The following MROH2B variants were observed in gnomAD, a reference collection of about 807,000 sequenced individuals.
MROH2B encodes the protein maestro heat-like repeat-containing protein family member 2B.
In MROH2B, 177 loss-of-function variants were observed where a neutral mutation model predicts 208.6. The observed-to-expected ratio is 0.85, with a 90% CI of 0.75 to 0.96. The LOEUF (loss-of-function observed/expected upper bound fraction) is 0.96. Ranked by LOEUF, MROH2B falls within the 40% of genes least tolerant of loss-of-function variation. The probability of loss-of-function intolerance (pLI) is 0.00; values close to 1 mark genes in which losing one functional copy is unlikely to be tolerated. For missense variants in MROH2B, 2,002 were observed against 1,878.7 expected, an observed-to-expected ratio of 1.07 and a Z score of -1.21; for synonymous variants, 728 against 659.0, an observed-to-expected ratio of 1.10 and a Z score of -1.60.
chr5:41,051,212 A>G (rs1743274312), intron 12 of MROH2B, 122 bp from the exon 13 acceptor site: 6 of 479,732 alleles, frequency 1.3e-5, no homozygotes, highest in South Asian at 6.3e-5. Flanking sequence ...TAAGGGGCTC[A>G]TGGAACCTAG....
intron 24 of MROH2B, among the ~76,000 whole-genome samples, chr5:41,025,397 C>A (rs888123264): frequency 6.6e-6 from 1 of 152,132 alleles, no homozygotes; most frequent in Admixed American, 6.5e-5. Flanking sequence ...TCAGAGAATA[C>A]TATAAACACC....
Position 41,058,072 on chromosome 5 carries a change from A to G in MROH2B, c.747T>C (p.His249=), listed in dbSNP as rs751636709. ...NQYKDKEIDF[H]VTQSLKQILT... ...AGGGTATGGCTCTTACCTGAGTGAC[A>G]TGGAAATCAATCTCTTTGTCTTTAT... Residue 249 remains histidine (H), a synonymous_variant, in exon 7 of 42, where the codon CAT becomes CAC. Coordinates refer to ENST00000399564, the MANE Select transcript of MROH2B (RefSeq NM_173489.5). The G allele has an allele frequency of 1.9e-6, 3 of 1,590,808 alleles. No homozygotes were observed. The highest frequency in any genetic ancestry group is 2.6e-6 in the Non-Finnish European group (3 of 1,168,484).
At chr5:41,069,600 A>C in intron 2 of MROH2B, 91 bp downstream of exon 2, 1 of 1,000,338 alleles carries the variant, frequency 1.0e-6, no homozygotes, top group Non-Finnish European at 1.5e-6. Context: ...GCCAGAGAAA[A>C]ATGAGAAAGT....
intron 24 of MROH2B, among the ~76,000 whole-genome samples, chr5:41,028,726 G>T (rs1442917822): frequency 6.6e-6 from 1 of 152,072 alleles, no homozygotes; most frequent in Non-Finnish European, 1.5e-5. Context: ...AGACACCTAG[G>T]TTGTTTCTAT....
chr5:41,008,522 G>T, intron 33 of MROH2B, 84 bp downstream of exon 33: 1 of 1,481,042 alleles, frequency 6.8e-7, no homozygotes, highest in Non-Finnish European at 9.2e-7. Flanking sequence ...ATGACAGAAA[G>T]CACAGACCCT....
intron 41 of MROH2B, 148 bp from the exon 42 acceptor site, chr5:40,998,306 T>C (rs1031220971): frequency 1.5e-6 from 1 of 651,086 alleles, no homozygotes; most frequent in African/African-American, 1.8e-5. Flanking sequence ...TCCTAAAAGG[T>C]AGGATGTGGA....
At chr5:41,030,183 T>C (rs1240295652) in intron 24 of MROH2B, among the ~76,000 whole-genome samples, 3 of 151,918 alleles carry the variant, frequency 2.0e-5, no homozygotes, top group Non-Finnish European at 2.9e-5. Context: ...AAAAAAGATA[T>C]ACAAACAGCT....
rs1554046603 is a variant in MROH2B at position 41,005,413 on chromosome 5, AC to A, written c.3864+117del. The A allele has an allele frequency of 6.1e-3, 1,254 of 204,192 alleles. 2 individuals are homozygous for A. The highest frequency in any genetic ancestry group is 0.017 in the Middle Eastern group (8 of 480). The allele number at this position is 204,192 out of a possible 1,614,324, so 12.6% of individuals were successfully genotyped here. ...CAGTAGCTGGTCTCTCCTCTATGAA[AC>A]CCCCCCCCCCCTTGAAGTCTCTCTT... On this transcript the variant is annotated intron_variant, in intron 35 of 41. Transcript: ENST00000399564.
intron 6 of MROH2B, among the ~76,000 whole-genome samples, chr5:41,060,944 G>A (rs984745685): frequency 6.6e-6 from 1 of 152,108 alleles, no homozygotes; most frequent in African/African-American, 2.4e-5. Flanking sequence ...GCAATGAAGA[G>A]ACCTAAATAG....
intron 24 of MROH2B, among the ~76,000 whole-genome samples, chr5:41,028,241 C>T (rs956855774): frequency 6.6e-6 from 1 of 152,102 alleles, no homozygotes; most frequent in African/African-American, 2.4e-5. Flanking sequence ...ATTGACCTAG[C>T]CATCATCTCA....
At chr5:41,052,826 G>A (rs1224837565) in intron 11 of MROH2B, among the ~76,000 whole-genome samples, 1 of 152,068 alleles carries the variant, frequency 6.6e-6, no homozygotes, top group African/African-American at 2.4e-5. Context: ...TACTGGTTGA[G>A]CATTCCTAAT....
chr5:41,069,142 A>G (rs1238901044), intron 2 of MROH2B, among the ~76,000 whole-genome samples: 1 of 152,226 alleles, frequency 6.6e-6, no homozygotes, highest in African/African-American at 2.4e-5. Context: ...GGAAATAGCA[A>G]TAACTACCTG....
intron 24 of MROH2B, among the ~76,000 whole-genome samples, chr5:41,031,507 T>C (rs1407664422): frequency 2.0e-5 from 3 of 152,064 alleles, no homozygotes; most frequent in African/African-American, 7.2e-5. Context: ...ATGGGGGCAC[T>C]ATGGGTGGTT....
At position 41,033,824 on chromosome 5, in the gene MROH2B, TC is replaced by T. The variant is rs758158637; in HGVS notation, c.2241+13del. 1.9e-3 allele frequency: 2,773 copies of T among 1,478,824 alleles called. 143 individuals are homozygous for T. Among genetic ancestry groups the T allele is most frequent in the African/African-American group, 0.013 (920 of 69,966 alleles). 91.6% of individuals were successfully genotyped at this position (1,478,824 alleles called of 1,614,324 possible). ...ATCTATCTATCTATCTATCTATCTATCTATCTCTCCTACCTTGTTCATCACA... is the reference window on the plus strand; with the variant it reads ...ATCTATCTATCTATCTATCTATCTATTATCTCTCCTACCTTGTTCATCACA... On this transcript the variant is annotated intron_variant, in intron 22 of 41. Transcript: ENST00000399564.
chr5:41,056,884 T>G (rs1743470725), intron 9 of MROH2B, among the ~76,000 whole-genome samples: 1 of 152,042 alleles, frequency 6.6e-6, no homozygotes, highest in Non-Finnish European at 1.5e-5. Context: ...CCTGGACCTA[T>G]CCCAGTCGTG....
chr5:41,047,617 G>T lies in MROH2B; in HGVS notation c.1728+104C>A, dbSNP rs376826100. 45 of 1,017,680 alleles carry T rather than the reference G, an allele frequency of 4.4e-5. No individual in the cohort carries two copies. The East Asian group carries it at 6.3e-4, about 14-fold the overall frequency. The allele number at this position is 1,017,680 out of a possible 1,614,324, so 63.0% of individuals were successfully genotyped here. Reference sequence around the variant, plus strand: ...AATTCTTTTCCAAAGAAAGGAAAAGGTTGTTTATTATCCTCAGGAATCTAG... The same window carrying T: ...AATTCTTTTCCAAAGAAAGGAAAAGTTTGTTTATTATCCTCAGGAATCTAG... On this transcript the variant is annotated intron_variant, in intron 17 of 41. Transcript: ENST00000399564.
intron 18 of MROH2B, 121 bp downstream of exon 18, chr5:41,045,625 A>T: frequency 3.0e-6 from 2 of 671,486 alleles, no homozygotes; most frequent in Non-Finnish European, 4.9e-6. Context: ...AAAAGAGGGA[A>T]CTCTTTTTTT....
intron 24 of MROH2B, among the ~76,000 whole-genome samples, chr5:41,027,869 T>G (rs977610769): frequency 6.6e-6 from 1 of 152,126 alleles, no homozygotes; most frequent in African/African-American, 2.4e-5. Context: ...TAACAAATGA[T>G]GAGTTCATGT....
intron 19 of MROH2B, among the ~76,000 whole-genome samples, chr5:41,040,079 A>C (rs1301762644): frequency 2.6e-5 from 4 of 152,206 alleles, no homozygotes; most frequent in Non-Finnish European, 5.9e-5. Context: ...TGGCGGGTTC[A>C]TTACAGTAGG....
Sources: gnomAD v4.1 joint callset for allele counts (sites outside exome capture counted in the v4.1 genomes callset) on GRCh38, gnomAD v4.1.1 for gene constraint, MANE v1.5 for transcripts, NCBI Gene and HGNC (gene_info 2026-07-23, HGNC 2026-07-21) for gene names.